Variants in GPD2 observed in about 807,000 individuals in gnomAD.
GPD2 encodes glycerol-3-phosphate dehydrogenase 2, also known as glycerol-3-phosphate dehydrogenase, mitochondrial.
Under a neutral mutation model 82.4 loss-of-function variants are expected in GPD2, and 54 were observed. The observed-to-expected ratio is 0.66, with a 90% CI of 0.53 to 0.82. The LOEUF (loss-of-function observed/expected upper bound fraction) is 0.82, where lower values mean the gene tolerates loss of function less well. Among genes scored for constraint, GPD2 ranks in the 40% least tolerant of loss-of-function variants. The pLI, the probability that GPD2 is intolerant of heterozygous loss-of-function variation, is 0.00. For synonymous variants in GPD2, 288 were observed against 306.1 expected (o/e 0.94, Z 0.62); for missense variants, 748 against 896.2 (o/e 0.83, Z 2.11).
At chr2:156,492,617 A>G (rs531515563) in intron 2 of GPD2, among the ~76,000 whole-genome samples, 6 of 152,230 alleles carry the variant, frequency 3.9e-5, no homozygotes, top group Admixed American at 3.3e-4. Flanking sequence ...AGAAAATGAT[A>G]TGGAAGGAGG....
intron 6 of GPD2, among the ~76,000 whole-genome samples, chr2:156,523,712 A>AGATAGATG (rs1553473084): frequency 6.2e-4 from 94 of 150,916 alleles, no homozygotes; most frequent in African/African-American, 2.3e-3. Context: ...ATAGATAGAT[A>AGATAGATG]GATAGATATT....
At chr2:156,444,030 G>A (rs1682270081) in intron 1 of GPD2, among the ~76,000 whole-genome samples, 1 of 152,192 alleles carries the variant, frequency 6.6e-6, no homozygotes, top group Non-Finnish European at 1.5e-5. Context: ...TGTGGCTTTG[G>A]TCACTGTCTG....
chr2:156,413,172 G>T, the GPD2 span, among the ~76,000 whole-genome samples: 1 of 152,040 alleles, frequency 6.6e-6, no homozygotes, highest in Non-Finnish European at 1.5e-5. Flanking sequence ...AGAAGAAACT[G>T]CATAGAGCCA....
At chr2:156,490,531 A>G (rs1482974319) in intron 2 of GPD2, among the ~76,000 whole-genome samples, 2 of 152,210 alleles carry the variant, frequency 1.3e-5, no homozygotes, top group Non-Finnish European at 1.5e-5. Context: ...ACTATACCAA[A>G]CAAACTACTT....
chr2:156,570,006 A>G, intron 11 of GPD2, 81 bp from the exon 12 acceptor site: 2 of 1,202,992 alleles, frequency 1.7e-6, no homozygotes, highest in South Asian at 1.2e-5. Flanking sequence ...AACTGACAAG[A>G]TAAGCATGTG....
chr2:156,526,654 C>T (rs1261764184), intron 6 of GPD2, among the ~76,000 whole-genome samples: 3 of 151,986 alleles, frequency 2.0e-5, no homozygotes, highest in East Asian at 1.9e-4. Flanking sequence ...CAAAGACATT[C>T]GGAGAACACA....
At chr2:156,489,247 T>C (rs540304589) in intron 2 of GPD2, among the ~76,000 whole-genome samples, 1 of 152,232 alleles carries the variant, frequency 6.6e-6, no homozygotes, top group African/African-American at 2.4e-5. Flanking sequence ...TTATCTCAGA[T>C]AGAAATTCTG....
At chr2:156,563,973 G>A (rs140778839) in intron 9 of GPD2, among the ~76,000 whole-genome samples, 183 of 152,234 alleles carry the variant, frequency 1.2e-3, no homozygotes, top group African/African-American at 4.3e-3. Context: ...GAATTGGATC[G>A]TGGAGCTATG....
At chr2:156,465,444 C>T (rs1683120954) in intron 1 of GPD2, among the ~76,000 whole-genome samples, 1 of 148,778 alleles carries the variant, frequency 6.7e-6, no homozygotes, top group African/African-American at 2.5e-5. Context: ...TCACTGCAGC[C>T]TTGAATTCCT....
chr2:156,511,082 G>C (rs758065646), intron 4 of GPD2, among the ~76,000 whole-genome samples, 162 bp downstream of exon 4: 1 of 152,174 alleles, frequency 6.6e-6, no homozygotes, highest in Non-Finnish European at 1.5e-5. Flanking sequence ...AGGTGTGTCA[G>C]TTCTTTCCTG....
intron 1 of GPD2, among the ~76,000 whole-genome samples, chr2:156,460,648 TG>T (rs1439770526): frequency 6.6e-6 from 1 of 152,086 alleles, no homozygotes; most frequent in African/African-American, 2.4e-5. Flanking sequence ...TAATGAGTTG[TG>T]GGGTGAGAAA....
At chr2:156,558,894 G>T (rs1022518314) in intron 9 of GPD2, among the ~76,000 whole-genome samples, 2 of 149,496 alleles carry the variant, frequency 1.3e-5, no homozygotes, top group Non-Finnish European at 3.0e-5. Flanking sequence ...GGGATTACAG[G>T]AGTGAGCCAC....
intron 1 of GPD2, among the ~76,000 whole-genome samples, chr2:156,445,946 G>T (rs747398056): frequency 6.6e-6 from 1 of 152,138 alleles, no homozygotes; most frequent in Non-Finnish European, 1.5e-5. Flanking sequence ...TTATATCATG[G>T]TCTTTGTTGG....
At chr2:156,462,961 T>TA (rs906298160) in intron 1 of GPD2, among the ~76,000 whole-genome samples, 3 of 152,100 alleles carry the variant, frequency 2.0e-5, no homozygotes, top group African/African-American at 4.8e-5. Context: ...TCCTAGAACT[T>TA]AAAGTATTAA....
chr2:156,579,043 C>T lies in GPD2; in HGVS notation c.1880+42C>T, dbSNP rs751211728. The stretch of plus-strand genomic sequence containing the variant: ...TCTATCTATCTCTCTTTTTTTTTGG[C>T]CTATGTAAGTATATTTTTCCATTAT... On this transcript the variant is annotated intron_variant, in intron 14 of 16. Transcript: ENST00000438166. The T allele has an allele frequency of 6.5e-6, 10 of 1,548,650 alleles. No homozygotes were observed. The East Asian group carries it at 1.8e-4, about 28-fold the overall frequency.
the GPD2 span, among the ~76,000 whole-genome samples, chr2:156,426,624 T>C: frequency 1.3e-5 from 2 of 152,232 alleles, no homozygotes; most frequent in East Asian, 1.9e-4. Flanking sequence ...GAAAGACTGT[T>C]GTTAGAAACA....
intron 6 of GPD2, among the ~76,000 whole-genome samples, chr2:156,529,472 G>A (rs1465135717): frequency 2.0e-5 from 3 of 147,360 alleles, no homozygotes; most frequent in Admixed American, 2.0e-4. Context: ...TTTGTCTTTT[G>A]TTGCCATTGC....
intron 13 of GPD2, among the ~76,000 whole-genome samples, chr2:156,576,904 A>G (rs1454346888): frequency 6.6e-6 from 1 of 152,178 alleles, no homozygotes; most frequent in Non-Finnish European, 1.5e-5. Flanking sequence ...AAGTGGTGGA[A>G]CAGCAAAATA....
At position 156,542,449 on chromosome 2, in the gene GPD2, A is replaced by C. The variant is rs565189417; in HGVS notation, c.662-7159A>C. 2.5e-3 allele frequency among the ~76,000 whole-genome samples: 388 copies of C among 152,290 alleles called. 4 individuals are homozygous for C. The highest frequency in any genetic ancestry group is 8.9e-3 in the African/African-American group (369 of 41,574). On this transcript the variant is annotated intron_variant, in intron 6 of 16. Coordinates refer to ENST00000438166, the MANE Select transcript of GPD2 (RefSeq NM_000408.5). ...AAATTACTCCAATTCATAAACTTGG[A>C]ATATTATGCTTTTATTTTGAGTTTC...
Sources: allele counts gnomAD v4.1 joint callset (sites outside exome capture counted in the v4.1 genomes callset), GRCh38; gene constraint gnomAD v4.1.1; transcripts MANE v1.5; gene names NCBI Gene and HGNC (gene_info 2026-07-23, HGNC 2026-07-21).